DUSP16: variants seen among roughly 807,000 people sequenced by gnomAD.
DUSP16 encodes the protein dual specificity phosphatase 16, also known as dual specificity protein phosphatase 16.
Under a neutral mutation model 58.3 loss-of-function variants are expected in DUSP16, and 21 were observed. The observed-to-expected ratio is 0.36, with a 90% CI of 0.26 to 0.52. The LOEUF (loss-of-function observed/expected upper bound fraction) is 0.52, where lower values mean the gene tolerates loss of function less well. Among genes scored for constraint, DUSP16 ranks in the 20% least tolerant of loss-of-function variants. The probability of loss-of-function intolerance (pLI) is 0.94; values close to 1 mark genes in which losing one functional copy is unlikely to be tolerated. For missense variants in DUSP16, 726 were observed against 819.0 expected (o/e 0.89, Z 1.39); for synonymous variants, 320 against 323.8 (o/e 0.99, Z 0.12).
chr12:12,560,116 A>G (rs1944874643), intron 1 of DUSP16, among the ~76,000 whole-genome samples: 1 of 152,154 alleles, frequency 6.6e-6, no homozygotes, highest in Non-Finnish European at 1.5e-5. Context: ...AAAACTGGAT[A>G]ATTCTGCAGT....
intron 3 of DUSP16, among the ~76,000 whole-genome samples, chr12:12,502,550 A>AT (rs58116968): frequency 0.021 from 2,723 of 130,854 alleles, 55 homozygotes; most frequent in South Asian, 0.05. Context: ...TCATGGTTTC[A>AT]TTTTTTTTTT....
At chr12:12,560,789 T>C (rs1376282209) in intron 1 of DUSP16, 8 of 152,230 alleles carry the variant, frequency 5.3e-5, no homozygotes, top group Non-Finnish European at 7.3e-5. Flanking sequence ...AGCCCTTTTC[T>C]TGATGGAGGT....
rs186720750 is a variant in DUSP16 at position 12,521,173 on chromosome 12, C to T, written c.-75G>A. On this transcript the variant is annotated 5_prime_UTR_variant, in exon 2 of 7. Coordinates refer to ENST00000298573, the MANE Select transcript of DUSP16 (RefSeq NM_030640.3). ...GATGTAATGGTGGTGTGCTCAAAGG[C>T]TCAGCCACTCCATTGTACTAAAAGT... The T allele has an allele frequency of 2.0e-5, 31 of 1,555,470 alleles. No homozygotes were observed. The African/African-American group carries it at 3.5e-4, about 18-fold the overall frequency.
intron 3 of DUSP16, among the ~76,000 whole-genome samples, chr12:12,514,224 C>CAG (rs564816661): frequency 1.2e-4 from 18 of 152,254 alleles, no homozygotes; most frequent in Admixed American, 1.1e-3. Context: ...CCATAAGGAG[C>CAG]AGAGACACAC....
At chr12:12,536,836 G>A (rs571526258) in intron 1 of DUSP16, among the ~76,000 whole-genome samples, 1 of 151,996 alleles carries the variant, frequency 6.6e-6, no homozygotes, top group African/African-American at 2.4e-5. Context: ...TCGGGAGTTC[G>A]AGACCAGCCT....
intron 6 of DUSP16, 121 bp downstream of exon 6, chr12:12,480,102 C>T (rs543576643): frequency 9.1e-6 from 12 of 1,323,812 alleles, no homozygotes; most frequent in Admixed American, 2.2e-5. Flanking sequence ...TCCACAGTAA[C>T]CTGTAAAAAA....
Position 12,515,575 on chromosome 12 carries a change from G to A in DUSP16, c.367+4287C>T, listed in dbSNP as rs185723309. On this transcript the variant is annotated intron_variant, in intron 3 of 6. Coordinates refer to ENST00000298573, the MANE Select transcript of DUSP16 (RefSeq NM_030640.3). ...ACTCCCAACCTCAGGTGATCCGCCC[G>A]CCTCGGCCTCCCAAAGTGCTGGGAT... Among the ~76,000 whole-genome samples the A allele has an allele frequency of 2.2e-4, 33 of 151,296 alleles. 1 individual carries two copies. In the East Asian group the frequency reaches 2.6e-3, roughly 12 times the overall value.
In DUSP16 at chr12:12,562,785, C is replaced by A. The variant is rs966556427; in HGVS notation, c.-1034G>T. Among the ~76,000 whole-genome samples, 4 of 151,488 alleles carry A rather than the reference C, an allele frequency of 2.6e-5. No homozygotes were observed. The highest frequency in any genetic ancestry group is 5.9e-5 in the Non-Finnish European group (4 of 67,788). ...TCGCCCATCCCGCGGCCGCCCGAGCCCGGAGCGCGGCTCCGCGCCTCGTTC... is the reference window on the plus strand; with the variant it reads ...TCGCCCATCCCGCGGCCGCCCGAGCACGGAGCGCGGCTCCGCGCCTCGTTC... On this transcript the variant is annotated 5_prime_UTR_variant, in exon 1 of 7. Transcript: ENST00000298573.
chr12:12,548,860 G>T (rs1401499117), intron 1 of DUSP16, among the ~76,000 whole-genome samples: 1 of 151,876 alleles, frequency 6.6e-6, no homozygotes, highest in Non-Finnish European at 1.5e-5. Context: ...GAGAAAAGGG[G>T]AAATCATCAG....
intron 3 of DUSP16, among the ~76,000 whole-genome samples, chr12:12,512,901 A>G (rs1944099129): frequency 6.6e-6 from 1 of 152,234 alleles, no homozygotes; most frequent in African/African-American, 2.4e-5. Flanking sequence ...ACCAAACTAG[A>G]TAACAGAATT....
intron 1 of DUSP16, among the ~76,000 whole-genome samples, chr12:12,541,412 C>T (rs1221277455): frequency 3.3e-5 from 5 of 152,180 alleles, no homozygotes; most frequent in Non-Finnish European, 7.3e-5. Context: ...CAAGGTTACA[C>T]TGACATTATT....
At chr12:12,491,208 G>A (rs1943756243) in intron 4 of DUSP16, 1 of 151,332 alleles carries the variant, frequency 6.6e-6, no homozygotes, top group Admixed American at 6.6e-5. Context: ...GCTGGGAGGG[G>A]ATCTTAATTT....
At chr12:12,494,430 G>T (rs184237183) in intron 4 of DUSP16, among the ~76,000 whole-genome samples, 136 of 152,200 alleles carry the variant, frequency 8.9e-4, no homozygotes, top group Non-Finnish European at 1.8e-3. Flanking sequence ...TCTCACTGAG[G>T]GATGAATAGT....
chr12:12,559,214 T>C (rs998668789), intron 1 of DUSP16, among the ~76,000 whole-genome samples: 2 of 152,252 alleles, frequency 1.3e-5, no homozygotes, highest in African/African-American at 4.8e-5. Flanking sequence ...AGACTTATTT[T>C]CCTAATTATG....
At chr12:12,557,641 T>C (rs79687643) in intron 1 of DUSP16, among the ~76,000 whole-genome samples, 1,616 of 152,314 alleles carry the variant, frequency 0.011, 11 homozygotes, top group Non-Finnish European at 0.017. Flanking sequence ...CATTAGACTA[T>C]CATAGGCAAA....
intron 3 of DUSP16, among the ~76,000 whole-genome samples, chr12:12,513,603 T>C (rs1944107901): frequency 6.6e-6 from 1 of 152,180 alleles, no homozygotes; most frequent in South Asian, 2.1e-4. Context: ...CATTTATGGT[T>C]TTCTCCCGCA....
intron 3 of DUSP16, among the ~76,000 whole-genome samples, chr12:12,514,487 T>A (rs933690759): frequency 6.6e-6 from 1 of 152,232 alleles, no homozygotes; most frequent in African/African-American, 2.4e-5. Flanking sequence ...ATCTAAAGTT[T>A]AGCAGTAACA....
Position 12,477,427 on chromosome 12 carries a change from G to A in DUSP16, c.1404C>T (p.Pro468=), listed in dbSNP as rs141818878. ...TSPDKEEASI[P]KKLQTARPSD... ...AAGGCCTGGCGGTCTGCAGCTTCTTGGGGATGCTGGCTTCCTCCTTATCAG... is the reference window on the plus strand; with the variant it reads ...AAGGCCTGGCGGTCTGCAGCTTCTTAGGGATGCTGGCTTCCTCCTTATCAG... Residue 468 remains proline (P), a synonymous_variant, in exon 7 of 7, where the codon CCC becomes CCT. Transcript: ENST00000298573. The surrounding 1 kb of genome is among the most constrained non-coding windows in gnomAD (Gnocchi z 4.1). The A allele has an allele frequency of 1.8e-4, 284 of 1,607,520 alleles. No individual in the cohort carries two copies. In the African/African-American group the frequency reaches 3.5e-3, roughly 20 times the overall value.
chr12:12,548,502 C>T (rs182091289), intron 1 of DUSP16, among the ~76,000 whole-genome samples: 3 of 151,802 alleles, frequency 2.0e-5, no homozygotes, highest in African/African-American at 7.2e-5. Flanking sequence ...CCTGGTGGCA[C>T]GTGCCTGTAA....
Sources: allele counts gnomAD v4.1 joint callset (sites outside exome capture counted in the v4.1 genomes callset), GRCh38; gene constraint gnomAD v4.1.1; non-coding constraint Gnocchi (gnomAD v3.1); transcripts MANE v1.5; gene names NCBI Gene and HGNC (gene_info 2026-07-23, HGNC 2026-07-21).